Variants in MTMR8 observed in about 807,000 individuals in gnomAD.
MTMR8 encodes the protein phosphatidylinositol-3,5-bisphosphate 3-phosphatase MTMR8.
In MTMR8, 65 loss-of-function variants were observed where a neutral mutation model predicts 39.3. The observed-to-expected ratio is 1.65, with a 90% CI of 1.35 to 2.03. The LOEUF (loss-of-function observed/expected upper bound fraction) is 2.03. Ranked by LOEUF, MTMR8 falls within the 30% of genes most tolerant of loss-of-function variation. The probability of loss-of-function intolerance (pLI) is 0.00; values close to 1 mark genes in which losing one functional copy is unlikely to be tolerated. For synonymous variants in MTMR8, 245 were observed against 185.2 expected (o/e 1.32, Z -2.62); for missense variants, 777 against 538.9 (o/e 1.44, Z -4.37).
chrX:64,379,642 C>A (rs1328761224), intron 1 of MTMR8, among the ~76,000 whole-genome samples: 1 of 111,309 alleles, frequency 9.0e-6, no homozygotes, highest in Admixed American at 9.6e-5. Flanking sequence ...CTCCTTATAA[C>A]CCAGTCACAT....
At chrX:64,370,773 C>T (rs766638349) in intron 1 of MTMR8, among the ~76,000 whole-genome samples, 4 of 111,552 alleles carry the variant, frequency 3.6e-5, no homozygotes, top group Non-Finnish European at 7.5e-5. Flanking sequence ...GACAAAATTG[C>T]CTAGTGAGGC....
chrX:64,273,729 G>A (rs956223184), intron 12 of MTMR8, among the ~76,000 whole-genome samples: 1 of 110,814 alleles, frequency 9.0e-6, no homozygotes, highest in Non-Finnish European at 1.9e-5. Flanking sequence ...TTAGATTTAA[G>A]GGCACACATA....
intron 12 of MTMR8, among the ~76,000 whole-genome samples, chrX:64,321,366 A>T (rs1320168132): frequency 8.9e-6 from 1 of 112,282 alleles, no homozygotes; most frequent in Non-Finnish European, 1.9e-5. Flanking sequence ...AATAGATAGC[A>T]TCAATAAAGA....
chrX:64,332,266 T>C lies in MTMR8; in HGVS notation c.1152-509A>G, dbSNP rs1380812254. On this transcript the variant is annotated intron_variant, in intron 10 of 13. Coordinates refer to ENST00000374852, the MANE Select transcript of MTMR8 (RefSeq NM_017677.4). ...ATTTATTAAGTACATGAATGAAACC[T>C]CATCCCAGAACTGTTTAATATTTCC... 2.7e-5 allele frequency among the ~76,000 whole-genome samples: 3 copies of C among 112,002 alleles called. No individual in the cohort carries two copies. In the Admixed American group the frequency reaches 2.8e-4, roughly 11 times the overall value.
At chrX:64,307,744 G>T (rs111753904) in intron 12 of MTMR8, among the ~76,000 whole-genome samples, 26 of 111,843 alleles carry the variant, frequency 2.3e-4, no homozygotes, top group Non-Finnish European at 3.8e-4. Context: ...ATCTGCCTGC[G>T]ATTTTCATAG....
chrX:64,359,922 G>GAAAAAAAAAAAAAAAAA, intron 1 of MTMR8, among the ~76,000 whole-genome samples: 1 of 43,051 alleles, frequency 2.3e-5, no homozygotes, highest in Non-Finnish European at 5.9e-5. Context: ...GGCAAGAATA[G>GAAAAAAAAAAAAAAAAA]AAAAAAAAAA....
At chrX:64,315,648 C>T (rs1314516005) in intron 12 of MTMR8, among the ~76,000 whole-genome samples, 1 of 110,563 alleles carries the variant, frequency 9.0e-6, no homozygotes, top group Admixed American at 9.6e-5. Context: ...AATTGAAGTG[C>T]AATTATTGTA....
chrX:64,322,646 C>A (rs919069066), intron 12 of MTMR8, among the ~76,000 whole-genome samples: 1 of 112,188 alleles, frequency 8.9e-6, no homozygotes, highest in Non-Finnish European at 1.9e-5. Context: ...GAAAACAGAG[C>A]CACAGCTAGC....
intron 12 of MTMR8, among the ~76,000 whole-genome samples, chrX:64,279,008 T>C (rs957743908): frequency 1.5e-4 from 16 of 107,745 alleles, no homozygotes; most frequent in African/African-American, 5.5e-4. Context: ...GTCTGTCGAC[T>C]CCTGCTGGGA....
intron 12 of MTMR8, among the ~76,000 whole-genome samples, chrX:64,284,663 C>A (rs1196742226): frequency 9.0e-6 from 1 of 111,331 alleles, no homozygotes; most frequent in Non-Finnish European, 1.9e-5. Context: ...GAGTGGGGGC[C>A]AATATTCAAC....
intron 12 of MTMR8, among the ~76,000 whole-genome samples, chrX:64,301,852 G>C (rs1276915881): frequency 8.9e-6 from 1 of 111,871 alleles, no homozygotes; most frequent in African/African-American, 3.3e-5. Context: ...GCCCCTGCTG[G>C]GTGGTGCCTC....
At chrX:64,393,636 T>C (rs1473599614) in intron 1 of MTMR8, among the ~76,000 whole-genome samples, 1 of 111,838 alleles carries the variant, frequency 8.9e-6, no homozygotes, top group East Asian at 2.8e-4. Context: ...CCTTTAATGG[T>C]ACCACCTTCT....
chrX:64,287,601 C>A (rs1412493394), intron 12 of MTMR8, among the ~76,000 whole-genome samples: 2 of 110,938 alleles, frequency 1.8e-5, no homozygotes, highest in Non-Finnish European at 3.8e-5. Flanking sequence ...CAGCATGGTA[C>A]TGCTACCAAA....
In MTMR8 at chrX:64,271,033, G is replaced by A. The variant is rs1931748693; in HGVS notation, c.1522C>T (p.Gln508Ter). Residue 508 changes from glutamine to a stop codon, truncating the protein, a stop_gained, in exon 13 of 14, where the codon CAG (glutamine) becomes TAG (stop). Coordinates refer to ENST00000374852, the MANE Select transcript of MTMR8 (RefSeq NM_017677.4). LOFTEE classifies it high-confidence loss of function. ...GMYNRFDKGLQPKQSMLESLL... is the reference protein window; with the variant it reads ...GMYNRFDKGL ...CTCTCTAGCATACTCTGCTTGGGCT[G>A]CAGCCCTTTGTCAAAGCGGTTATAC... 1 of 1,207,172 alleles carries A rather than the reference G, an allele frequency of 8.3e-7. No individual in the cohort carries two copies. Among genetic ancestry groups the A allele is most frequent in the East Asian group, 3.0e-5 (1 of 33,567 alleles).
intron 12 of MTMR8, among the ~76,000 whole-genome samples, chrX:64,293,093 C>A (rs1405603471): frequency 1.8e-5 from 2 of 111,107 alleles, no homozygotes; most frequent in African/African-American, 6.6e-5. Context: ...CAACAGATGA[C>A]CTGCAGCATG....
At chrX:64,311,206 G>A (rs1371883454) in intron 12 of MTMR8, among the ~76,000 whole-genome samples, 1 of 111,842 alleles carries the variant, frequency 8.9e-6, no homozygotes, top group Non-Finnish European at 1.9e-5. Context: ...ATTGGTGTGA[G>A]ATGGTATCTC....
chrX:64,326,886 A>G (rs961553699), intron 12 of MTMR8, among the ~76,000 whole-genome samples: 3 of 111,234 alleles, frequency 2.7e-5, no homozygotes, highest in Non-Finnish European at 5.7e-5. Context: ...AGAGCCCAGA[A>G]AAAAAATGCA....
chrX:64,343,790 G>A, intron 7 of MTMR8, 70 bp from the exon 8 acceptor site: 1 of 728,060 alleles, frequency 1.4e-6, no homozygotes, highest in Non-Finnish European at 2.1e-6. Flanking sequence ...GGGAGAAAGT[G>A]GATCTCCATA....
intron 12 of MTMR8, chrX:64,306,280 T>A: frequency 3.1e-6 from 1 of 323,157 alleles, no homozygotes; most frequent in Middle Eastern, 1.2e-3. Flanking sequence ...GGCACAGCAT[T>A]GGACTGAACT....
Sources: allele counts gnomAD v4.1 joint callset (sites outside exome capture counted in the v4.1 genomes callset), GRCh38; gene constraint gnomAD v4.1.1; transcripts MANE v1.5; gene names NCBI Gene and HGNC (gene_info 2026-07-23, HGNC 2026-07-21).